TSPEAR: variants seen among roughly 807,000 people sequenced by gnomAD.
TSPEAR encodes thrombospondin-type laminin G domain and EAR repeat-containing protein.
A neutral mutation model predicts 71.6 loss-of-function variants in TSPEAR; 69 were observed. The observed-to-expected ratio is 0.96, with a 90% confidence interval of 0.79 to 1.18. TSPEAR has a LOEUF of 1.18. Ranked by LOEUF, TSPEAR falls within the 50% of genes most tolerant of loss-of-function variation. The pLI, the probability that TSPEAR is intolerant of heterozygous loss-of-function variation, is 0.00. For synonymous variants in TSPEAR, 402 were observed against 387.2 expected (o/e 1.04, Z -0.45); for missense variants, 971 against 894.9 (o/e 1.09, Z -1.09).
At position 44,562,748 on chromosome 21, in the gene TSPEAR, A is replaced by G. The variant is rs587641376; in HGVS notation, c.303+5037T>C. 2.6e-5 allele frequency among the ~76,000 whole-genome samples: 4 copies of G among 152,316 alleles called. No individual in the cohort carries two copies. The South Asian group carries it at 8.3e-4, about 32-fold the overall frequency. On this transcript the variant is annotated intron_variant, in intron 2 of 11. Coordinates refer to ENST00000323084, the MANE Select transcript of TSPEAR (RefSeq NM_144991.3). ...GTGCTCAAAGAAAAAAAAGTCAGCC[A>G]AGAATTCTATATCCAACAAAGTTGT...
At chr21:44,500,222 C>T (rs189340197) in intron 11 of TSPEAR, among the ~76,000 whole-genome samples, 3 of 152,254 alleles carry the variant, frequency 2.0e-5, no homozygotes, top group African/African-American at 4.8e-5. Context: ...GACCCCCAAA[C>T]GTGCAGTTCC....
chr21:44,591,767 C>G (rs782797884), intron 1 of TSPEAR: 8 of 1,591,026 alleles, frequency 5.0e-6, no homozygotes, highest in East Asian at 2.3e-5. Flanking sequence ...CAGGTGGGCA[C>G]ACAGCACACA....
intron 1 of TSPEAR, among the ~76,000 whole-genome samples, chr21:44,663,869 A>G (rs1985620362): frequency 1.3e-5 from 2 of 152,248 alleles, no homozygotes; most frequent in Admixed American, 6.5e-5. Context: ...GCACCATATT[A>G]TTATCTCAAT....
At chr21:44,534,046 G>A in intron 2 of TSPEAR, 123 bp from the exon 3 acceptor site, 1 of 726,358 alleles carries the variant, frequency 1.4e-6, no homozygotes. Flanking sequence ...CTGACTGGAG[G>A]GGCGAGGTGA....
rs997188741 is a variant in TSPEAR at position 44,676,271 on chromosome 21, C to T, written c.82+35162G>A. 53 of 1,263,186 alleles carry T rather than the reference C, an allele frequency of 4.2e-5. No individual in the cohort carries two copies. In the East Asian group the frequency reaches 1.1e-3, roughly 26 times the overall value. The allele number at this position is 1,263,186 out of a possible 1,614,324, so 78.2% of individuals were successfully genotyped here. ...CTAAGGGTCTCTTCACTGTACACCC[C>T]ATGGGTCAGGGACTCTGGAGGGATA... On this transcript the variant is annotated intron_variant, in intron 1 of 11. Transcript: ENST00000323084.
intron 1 of TSPEAR, chr21:44,677,365 TG>T (rs1986365870): frequency 1.4e-6 from 2 of 1,400,764 alleles, no homozygotes; most frequent in African/African-American, 2.8e-5. Context: ...TTCAATATGT[TG>T]GAGTGTGCAT....
At chr21:44,690,434 T>C in intron 1 of TSPEAR, 1 of 519,772 alleles carries the variant, frequency 1.9e-6, no homozygotes, top group Middle Eastern at 1.0e-3. Context: ...GTGGTTCCCA[T>C]GGGCTTCCAG....
chr21:44,622,515 T>C (rs1444301143), intron 1 of TSPEAR, among the ~76,000 whole-genome samples: 1 of 152,222 alleles, frequency 6.6e-6, no homozygotes, highest in Non-Finnish European at 1.5e-5. Flanking sequence ...TGCTTTCTCT[T>C]AGCTCCAAGG....
At chr21:44,511,612 C>T (rs1490099254) in intron 9 of TSPEAR, among the ~76,000 whole-genome samples, 2 of 152,262 alleles carry the variant, frequency 1.3e-5, no homozygotes, top group Non-Finnish European at 2.9e-5. Context: ...TCTACACACA[C>T]ACATGCACCC....
rs587595182 is a variant in TSPEAR, at chr21:44,557,180, G to C, written c.303+10605C>G. The stretch of plus-strand genomic sequence containing the variant: ...AGCTGCAGGTGCTGCCATAGGTTTT[G>C]TCGGCTACATGAGAGGGTTCCTCAC... On this transcript the variant is annotated intron_variant, in intron 2 of 11. Transcript: ENST00000323084. Among the ~76,000 whole-genome samples, 23 of 152,278 alleles carry C rather than the reference G, an allele frequency of 1.5e-4. 1 individual carries two copies. Among genetic ancestry groups the C allele is most frequent in the African/African-American group, 5.1e-4 (21 of 41,572 alleles).
intron 2 of TSPEAR, among the ~76,000 whole-genome samples, chr21:44,548,508 A>G (rs587701633): frequency 1.3e-5 from 2 of 152,322 alleles, no homozygotes; most frequent in Non-Finnish European, 1.5e-5. Context: ...GAGGAAGCCC[A>G]GGACAGTGTG....
chr21:44,559,540 A>G (rs746591799), intron 2 of TSPEAR, among the ~76,000 whole-genome samples: 1 of 152,180 alleles, frequency 6.6e-6, no homozygotes, highest in East Asian at 1.9e-4. Context: ...ATCACCTGCA[A>G]TGGTGTCCTT....
chr21:44,666,582 G>A (rs1356011456), intron 1 of TSPEAR: 1 of 1,612,574 alleles, frequency 6.2e-7, no homozygotes, highest in Non-Finnish European at 8.5e-7. Context: ...GCACAGGGAG[G>A]ACTGGCAGGA....
chr21:44,665,744 A>G (rs1985716531), intron 1 of TSPEAR, among the ~76,000 whole-genome samples: 1 of 152,192 alleles, frequency 6.6e-6, no homozygotes. Context: ...TCATCAGTCA[A>G]TCAATAAAAA....
rs1325181062 is a variant in TSPEAR at position 44,711,333 on chromosome 21, G to A, written c.82+100C>T. ...TCCTGCCAAAGCGTCCTCGGGCACC[G>A]CGGCTTGAATCAGTGTTAGAAAGTG... On this transcript the variant is annotated intron_variant, in intron 1 of 11. Coordinates refer to ENST00000323084, the MANE Select transcript of TSPEAR (RefSeq NM_144991.3). The surrounding 1 kb of genome is among the most constrained non-coding windows in gnomAD (Gnocchi z 4.5). 5.3e-6 allele frequency: 6 copies of A among 1,129,154 alleles called. No homozygotes were observed. The highest frequency in any genetic ancestry group is 2.6e-5 in the East Asian group (1 of 38,148). The allele number at this position is 1,129,154 out of a possible 1,614,324, so 69.9% of individuals were successfully genotyped here.
chr21:44,611,499 C>G (rs369611904), intron 1 of TSPEAR, among the ~76,000 whole-genome samples: 6 of 152,110 alleles, frequency 3.9e-5, no homozygotes, highest in African/African-American at 1.4e-4. Flanking sequence ...AATTAAAGCC[C>G]TTTTTCCTCT....
chr21:44,638,077 C>T (rs782115512), intron 1 of TSPEAR: 1 of 1,613,230 alleles, frequency 6.2e-7, no homozygotes, highest in Non-Finnish European at 8.5e-7. Flanking sequence ...AGCCCAGCTG[C>T]TGCCGCACGG....
intron 1 of TSPEAR, among the ~76,000 whole-genome samples, chr21:44,684,148 C>A (rs934163561): frequency 6.6e-6 from 1 of 152,212 alleles, no homozygotes; most frequent in Non-Finnish European, 1.5e-5. Flanking sequence ...CCTGGCTTCT[C>A]ATGAGAAACA....
At chr21:44,514,564 CCTT>C (rs1267068009) in intron 9 of TSPEAR, among the ~76,000 whole-genome samples, 15 of 152,336 alleles carry the variant, frequency 9.8e-5, no homozygotes, top group Non-Finnish European at 1.6e-4. Flanking sequence ...AGCTGCAACA[CCTT>C]CTGAGGTCTG....
Sources: gnomAD v4.1 joint callset for allele counts (sites outside exome capture counted in the v4.1 genomes callset) on GRCh38, gnomAD v4.1.1 for gene constraint, Gnocchi (gnomAD v3.1) non-coding constraint, MANE v1.5 for transcripts, NCBI Gene and HGNC (gene_info 2026-07-23, HGNC 2026-07-21) for gene names.